Variants in ZNF587B observed in about 807,000 individuals in gnomAD.
The protein encoded by ZNF587B is zinc finger protein 587B.
In ZNF587B, 6 loss-of-function variants were observed where a neutral mutation model predicts 7.2. The ratio of observed to expected loss-of-function variants is 0.83; its 90% CI spans 0.46 to 1.65. The LOEUF is 1.65. Ranked by LOEUF, ZNF587B falls within the 40% of genes most tolerant of loss-of-function variation. The pLI, the probability that ZNF587B is intolerant of heterozygous loss-of-function variation, is 0.01. For missense variants in ZNF587B, 749 were observed against 761.0 expected (o/e 0.98, Z 0.19); for synonymous variants, 274 against 254.3 (o/e 1.08, Z -0.74).
At chr19:57,831,859 C>G (rs1462376793) in intron 1 of ZNF587B, among the ~76,000 whole-genome samples, 4 of 150,992 alleles carry the variant, frequency 2.6e-5, no homozygotes, top group Non-Finnish European at 4.4e-5. Context: ...CACCCGCCAC[C>G]ATGCCCGGCT....
Position 57,843,500 on chromosome 19 carries a change from G to A in ZNF587B, c.*924G>A, listed in dbSNP as rs894003066. 1.4e-5 allele frequency: 14 copies of A among 982,416 alleles called. No individual in the cohort carries two copies. Among genetic ancestry groups the A allele is most frequent in the Middle Eastern group, 5.2e-4 (1 of 1,930 alleles). 60.9% of individuals were successfully genotyped at this position (982,416 alleles called of 1,614,324 possible). The stretch of plus-strand genomic sequence containing the variant: ...CCACATTGCATCATTCACCTATTTC[G>A]TATTCTAGAAGTATATTTTGGTTGT... On this transcript the variant is annotated 3_prime_UTR_variant, in exon 3 of 3. Transcript: ENST00000594901.
chr19:57,830,801 T>TA (rs1200831902), intron 1 of ZNF587B, among the ~76,000 whole-genome samples: 1 of 120,490 alleles, frequency 8.3e-6, no homozygotes, highest in Non-Finnish European at 1.8e-5. Flanking sequence ...AGTCCGTTTA[T>TA]TTAAAAAAAA....
In ZNF587B at chr19:57,845,552, A is replaced by G. The variant is rs961867837; in HGVS notation, c.*2976A>G. The G allele has an allele frequency of 6.6e-6, 1 of 152,180 alleles. No individual in the cohort carries two copies. Among genetic ancestry groups the G allele is most frequent in the African/African-American group, 2.4e-5 (1 of 41,436 alleles). The allele number at this position is 152,180 out of a possible 1,614,324, so 9.4% of individuals were successfully genotyped here. A position where few individuals can be genotyped will look rare whatever the true frequency, so the allele number is the denominator to read the frequency against. ...TGTGACCAGCCAGTGATCCAGTTCAATCAGGTAGAAATGACCTTCCTGCTA... is the reference window on the plus strand; with the variant it reads ...TGTGACCAGCCAGTGATCCAGTTCAGTCAGGTAGAAATGACCTTCCTGCTA... On this transcript the variant is annotated 3_prime_UTR_variant, in exon 3 of 3. Transcript: ENST00000594901.
chr19:57,842,709 CAGAGA>C lies in ZNF587B; in HGVS notation c.*135_*139del, dbSNP rs1988907087. ...TCCTTGGACATTGGAGAGTTCACAC[CAGAGA>C]AAAGTCCTTACAAGTAAAATAAATT... is the stretch of plus-strand genomic sequence containing the variant. On this transcript the variant is annotated 3_prime_UTR_variant, in exon 3 of 3. Transcript: ENST00000594901. The C allele has an allele frequency of 7.7e-7, 1 of 1,294,664 alleles. No individual in the cohort carries two copies. Among genetic ancestry groups the C allele is most frequent in the African/African-American group, 1.5e-5 (1 of 66,086 alleles). 80.2% of individuals were successfully genotyped at this position (1,294,664 alleles called of 1,614,324 possible). A position where few individuals can be genotyped will look rare whatever the true frequency, so the allele number is the denominator to read the frequency against.
At chr19:57,831,043 G>T (rs7260546) in intron 1 of ZNF587B, among the ~76,000 whole-genome samples, 1 of 151,938 alleles carries the variant, frequency 6.6e-6, no homozygotes, top group Non-Finnish European at 1.5e-5. Context: ...GTGATAGATG[G>T]GGGGCTTTGG....
rs1988956985 is a variant in ZNF587B at position 57,843,603 on chromosome 19, T to G, written c.*1027T>G. 2.6e-5 allele frequency: 21 copies of G among 816,932 alleles called. No individual in the cohort carries two copies. Among genetic ancestry groups the G allele is most frequent in the South Asian group, 5.6e-5 (1 of 17,816 alleles). 50.6% of individuals were successfully genotyped at this position (816,932 alleles called of 1,614,324 possible). A position where few individuals can be genotyped will look rare whatever the true frequency, so the allele number is the denominator to read the frequency against. ...GGTTGGTTGGTTGTTTTTTTTTGTT[T>G]TTTTTTTTTTTTTTTTTGGAGACAA... On this transcript the variant is annotated 3_prime_UTR_variant, in exon 3 of 3. Coordinates refer to ENST00000594901, the MANE Select transcript of ZNF587B (RefSeq NM_001376223.1).
intron 1 of ZNF587B, among the ~76,000 whole-genome samples, chr19:57,832,065 C>T (rs1988428429): frequency 6.6e-6 from 1 of 151,470 alleles, no homozygotes; most frequent in Admixed American, 6.6e-5. Flanking sequence ...GCAGAGTGCC[C>T]TGTGAAATAC....
At position 57,842,395 on chromosome 19, in the gene ZNF587B, G is replaced by T. The variant is rs770294625; in HGVS notation, c.1721G>T (p.Gly574Val). The T allele has an allele frequency of 2.5e-6, 4 of 1,601,518 alleles. No homozygotes were observed. The highest frequency in any genetic ancestry group is 2.7e-5 in the African/African-American group (2 of 74,432). The change falls in exon 3 of 3, where the codon GGT becomes GTT. Residue 574 changes from glycine (G) to valine (V), a missense_variant. Physicochemically the swap from Gly to Val is moderately radical, Grantham distance 109 (BLOSUM62 -3). Coordinates refer to ENST00000594901, the MANE Select transcript of ZNF587B (RefSeq NM_001376223.1). ...YLTSHRRVHTGQKPYECSECG... is the reference protein window; with the variant it reads ...YLTSHRRVHTVQKPYECSECG... ...ACTAGTCACAGGAGAGTTCACACTG[G>T]TCAGAAGCCTTATGAGTGCAGTGAA... is the stretch of plus-strand genomic sequence containing the variant.
At chr19:57,836,660 C>T (rs1988619629) in intron 1 of ZNF587B, among the ~76,000 whole-genome samples, 1 of 152,106 alleles carries the variant, frequency 6.6e-6, no homozygotes, top group African/African-American at 2.4e-5. Flanking sequence ...CTGGCCACTT[C>T]ACTCTCTTAA....
chr19:57,841,975 C>T lies in ZNF587B; in HGVS notation c.1301C>T (p.Thr434Ile). The T allele has an allele frequency of 6.2e-7, 1 of 1,609,490 alleles. No individual in the cohort carries two copies. Among genetic ancestry groups the T allele is most frequent in the South Asian group, 1.1e-5 (1 of 90,608 alleles). ...AGGAGTCATCAGCGAGTTCACACTA[C>T]AGAAAGACCTTATAAGTGTGGGGAA... Reference protein sequence around the residue: ...HLRSHQRVHTTERPYKCGECG... With the variant: ...HLRSHQRVHTIERPYKCGECG... Residue 434 changes from threonine to isoleucine, a missense_variant, in exon 3 of 3, where the codon ACA becomes ATA. Coordinates refer to ENST00000594901, the MANE Select transcript of ZNF587B (RefSeq NM_001376223.1).
Position 57,841,622 on chromosome 19 carries a change from T to A in ZNF587B, c.948T>A (p.His316Gln). 6.3e-7 allele frequency: 1 copy of A among 1,591,124 alleles called. No individual in the cohort carries two copies. The highest frequency in any genetic ancestry group is 8.6e-7 in the Non-Finnish European group (1 of 1,168,516). Residue 316 changes from histidine to glutamine, a missense_variant, in exon 3 of 3, where the codon CAT (histidine) becomes CAA (glutamine). Physicochemically the swap from His to Gln is conservative, Grantham distance 24. This residue lies in a region of ZNF587B where 656 missense variants were observed against 596.5 expected (regional missense o/e 1.10). Coordinates refer to ENST00000594901, the MANE Select transcript of ZNF587B (RefSeq NM_001376223.1). ...YFSLEGYLRR[H>Q]QKVHAGKGPY... The stretch of plus-strand genomic sequence containing the variant: ...GCTTAGAAGGATATCTTAGGCGCCA[T>A]CAAAAAGTTCACGCTGGAAAAGGGC...
rs1246742645 is a variant in ZNF587B at position 57,842,994 on chromosome 19, A to G, written c.*418A>G. 2 of 984,494 alleles carry G rather than the reference A, an allele frequency of 2.0e-6. No individual in the cohort carries two copies. The highest frequency in any genetic ancestry group is 2.4e-6 in the Non-Finnish European group (2 of 829,190). 61.0% of individuals were successfully genotyped at this position (984,494 alleles called of 1,614,324 possible). A position where few individuals can be genotyped will look rare whatever the true frequency, so the allele number is the denominator to read the frequency against. On this transcript the variant is annotated 3_prime_UTR_variant, in exon 3 of 3. Transcript: ENST00000594901. ...ATAGGTTAGATATATAGGGAATGTT[A>G]TTATTTTTTCCTTTTTTTGGAGAGA...
At chr19:57,837,916 G>A (rs771872562) in intron 1 of ZNF587B, among the ~76,000 whole-genome samples, 1 of 152,086 alleles carries the variant, frequency 6.6e-6, no homozygotes, top group Non-Finnish European at 1.5e-5. Flanking sequence ...TGCTCTTGAC[G>A]ACATCTGTAG....
rs776118902 is a variant in ZNF587B, at chr19:57,842,420, A to G, written c.1746A>G (p.Glu582=). 1.2e-6 allele frequency: 2 copies of G among 1,601,856 alleles called. No homozygotes were observed. Among genetic ancestry groups the G allele is most frequent in the Non-Finnish European group, 1.7e-6 (2 of 1,174,836 alleles). The change falls in exon 3 of 3, where the codon GAA becomes GAG. Residue 582 remains glutamate (E), a synonymous_variant. Transcript: ENST00000594901. The part of the protein sequence containing the change: ...HTGQKPYECS[E]CGKSFAGISS... ...GTCAGAAGCCTTATGAGTGCAGTGA[A>G]TGTGGGAAATCTTTTGCTGGAATCT...
At chr19:57,832,583 T>C (rs556584991) in intron 1 of ZNF587B, among the ~76,000 whole-genome samples, 1 of 152,382 alleles carries the variant, frequency 6.6e-6, no homozygotes, top group East Asian at 1.9e-4. Flanking sequence ...GGTCACGTTT[T>C]CCTGGATGGT....
At chr19:57,836,385 C>T (rs1472467907) in intron 1 of ZNF587B, among the ~76,000 whole-genome samples, 3 of 152,184 alleles carry the variant, frequency 2.0e-5, no homozygotes, top group Non-Finnish European at 4.4e-5. Context: ...GTGTCAGCTA[C>T]GATGTAGTGT....
chr19:57,841,762 T>G lies in ZNF587B; in HGVS notation c.1088T>G (p.Phe363Cys). The G allele has an allele frequency of 6.2e-7, 1 of 1,608,970 alleles. No homozygotes were observed. The highest frequency in any genetic ancestry group is 8.5e-7 in the Non-Finnish European group (1 of 1,177,658). ...AAGTGTGGAGAATGTGAGAAATCTT[T>G]TAGTCGGAAGCCCAGCCTTAGTTAC... Reference protein sequence around the residue: ...PYKCGECEKSFSRKPSLSYHQ... With the variant: ...PYKCGECEKSCSRKPSLSYHQ... Residue 363 changes from phenylalanine to cysteine, a missense_variant, in exon 3 of 3, where the codon TTT becomes TGT. Transcript: ENST00000594901.
In ZNF587B at chr19:57,842,637, G is replaced by A. The variant is rs977470281; in HGVS notation, c.*61G>A. 3 of 1,351,268 alleles carry A rather than the reference G, an allele frequency of 2.2e-6. No individual in the cohort carries two copies. The African/African-American group carries it at 4.4e-5, about 20-fold the overall frequency. 83.7% of individuals were successfully genotyped at this position (1,351,268 alleles called of 1,614,324 possible). On this transcript the variant is annotated 3_prime_UTR_variant, in exon 3 of 3. Coordinates refer to ENST00000594901, the MANE Select transcript of ZNF587B (RefSeq NM_001376223.1). ...AGAGCACACACCTGAGTAAGATCTT[G>A]TGATTGCAGCAAATGTGGAAAATGT...
rs1364683978 is a variant in ZNF587B, at chr19:57,842,182, T to A, written c.1508T>A (p.Phe503Tyr). Residue 503 changes from phenylalanine to tyrosine, a missense_variant, in exon 3 of 3, where the codon TTT becomes TAT. This residue lies in a region of ZNF587B where 656 missense variants were observed against 596.5 expected (regional missense o/e 1.10). Coordinates refer to ENST00000594901, the MANE Select transcript of ZNF587B (RefSeq NM_001376223.1). Reference sequence around the variant, plus strand: ...GCTTGTGAGGCTTGTCAGAAATTTTTTAGGCACAAGTGCCACCTCACTGCA... The same window carrying A: ...GCTTGTGAGGCTTGTCAGAAATTTTATAGGCACAAGTGCCACCTCACTGCA... ...PYACEACQKF[F>Y]RHKCHLTAHQ... is the part of the protein sequence containing the mutation. 6.2e-7 allele frequency: 1 copy of A among 1,613,090 alleles called. No homozygotes were observed. Among genetic ancestry groups the A allele is most frequent in the African/African-American group, 1.3e-5 (1 of 74,870 alleles).
Sources: gnomAD v4.1 joint callset for allele counts (sites outside exome capture counted in the v4.1 genomes callset) on GRCh38, gnomAD v4.1.1 for gene constraint, gnomAD v4.1.1 regional missense constraint, MANE v1.5 for transcripts, NCBI Gene and HGNC (gene_info 2026-07-23, HGNC 2026-07-21) for gene names.